The following CYP7B1 variants were observed in gnomAD, a reference collection of about 807,000 sequenced individuals.
The protein encoded by CYP7B1 is cytochrome P450 family 7 subfamily B member 1.
A neutral mutation model predicts 42.7 loss-of-function variants in CYP7B1; 29 were observed. The observed-to-expected ratio is 0.68, with a 90% CI of 0.51 to 0.93. CYP7B1 has a LOEUF of 0.93. CYP7B1 is among the 40% of genes least tolerant of loss of function. The pLI is 0.00. For missense variants in CYP7B1, 655 were observed against 600.5 expected, an observed-to-expected ratio of 1.09 and a Z score of -0.95; for synonymous variants, 235 against 218.2, an observed-to-expected ratio of 1.08 and a Z score of -0.68.
At chr8:64,623,432 G>C (rs1461860294) in intron 2 of CYP7B1, among the ~76,000 whole-genome samples, 1 of 152,170 alleles carries the variant, frequency 6.6e-6, no homozygotes, top group Non-Finnish European at 1.5e-5. Context: ...GACCATCTCG[G>C]ATCATCCAGT....
chr8:64,646,417 G>A (rs1484194134), intron 1 of CYP7B1, among the ~76,000 whole-genome samples: 1 of 152,162 alleles, frequency 6.6e-6, no homozygotes. Context: ...CTCAAAAGAA[G>A]ACATTTATGC....
Position 64,738,879 on chromosome 8 carries a change from G to T in CYP7B1, c.122+59587C>A, listed in dbSNP as rs112902428. 6.6e-5 allele frequency among the ~76,000 whole-genome samples: 10 copies of T among 152,170 alleles called. 1 individual carries two copies. The highest frequency in any genetic ancestry group is 2.4e-4 in the African/African-American group (10 of 41,546). ...TAAATGGTAATTTTGACAAATTCCT[G>T]GGGGGTGAGTGTGGACTAGTATTAA... On this transcript the variant is annotated intron_variant, in intron 1 of 5. Coordinates refer to ENST00000310193, the MANE Select transcript of CYP7B1 (RefSeq NM_004820.5).
chr8:64,645,245 G>C (rs1805932594), intron 1 of CYP7B1, among the ~76,000 whole-genome samples: 1 of 151,566 alleles, frequency 6.6e-6, no homozygotes, highest in Non-Finnish European at 1.5e-5. Flanking sequence ...CTTTATAGCA[G>C]CATGATTTAT....
intron 1 of CYP7B1, among the ~76,000 whole-genome samples, chr8:64,748,927 A>C (rs1020492574): frequency 6.6e-5 from 10 of 152,230 alleles, no homozygotes; most frequent in African/African-American, 2.2e-4. Flanking sequence ...AGAGAAAGAT[A>C]ACTATGCAGA....
intron 1 of CYP7B1, among the ~76,000 whole-genome samples, chr8:64,719,485 T>C (rs1230920015): frequency 6.6e-6 from 1 of 152,196 alleles, no homozygotes; most frequent in East Asian, 1.9e-4. Context: ...CTTGTCAAAG[T>C]GACTTAGTTT....
chr8:64,624,702 T>G (rs1805582107), intron 1 of CYP7B1, among the ~76,000 whole-genome samples, 163 bp from the exon 2 acceptor site: 1 of 152,164 alleles, frequency 6.6e-6, no homozygotes. Flanking sequence ...AGACATGAGT[T>G]TACTGAGCTT....
At chr8:64,653,258 C>T (rs1806067757) in intron 1 of CYP7B1, among the ~76,000 whole-genome samples, 1 of 151,874 alleles carries the variant, frequency 6.6e-6, no homozygotes, top group East Asian at 1.9e-4. Context: ...GCTACCTAGA[C>T]TAATAAAGAA....
rs76992721 is a variant in CYP7B1 at position 64,765,781 on chromosome 8, A to G, written c.122+32685T>C. Among the ~76,000 whole-genome samples the G allele has an allele frequency of 3.1e-3, 469 of 152,214 alleles. 12 individuals carry two copies. In the East Asian group the frequency reaches 0.073, roughly 24 times the overall value. ...TTTCCAGATGGGAAATGTTCCCCCCAAGGCAAAAACGCCCCTAAGATGTAT... is the reference window on the plus strand; with the variant it reads ...TTTCCAGATGGGAAATGTTCCCCCCGAGGCAAAAACGCCCCTAAGATGTAT... On this transcript the variant is annotated intron_variant, in intron 1 of 5. Transcript: ENST00000310193.
chr8:64,619,002 G>A (rs1419828811), intron 2 of CYP7B1, among the ~76,000 whole-genome samples: 1 of 151,990 alleles, frequency 6.6e-6, no homozygotes, highest in East Asian at 1.9e-4. Context: ...TTGATTTTCC[G>A]GATTTTACTT....
chr8:64,767,917 C>A (rs779453608), intron 1 of CYP7B1, among the ~76,000 whole-genome samples: 2 of 152,130 alleles, frequency 1.3e-5, no homozygotes, highest in African/African-American at 4.8e-5. Context: ...GCATCCCTCC[C>A]GAGGAAATCT....
intron 1 of CYP7B1, among the ~76,000 whole-genome samples, chr8:64,673,084 T>C (rs941646452): frequency 6.6e-6 from 1 of 152,112 alleles, no homozygotes; most frequent in African/African-American, 2.4e-5. Flanking sequence ...GCTACATACC[T>C]TGTCTCCCCC....
At position 64,616,016 on chromosome 8, in the gene CYP7B1, C is replaced by G. The variant is rs794727501; in HGVS notation, c.525G>C (p.Trp175Cys). The G allele has an allele frequency of 6.2e-7, 1 of 1,613,484 alleles. No individual in the cohort carries two copies. The highest frequency in any genetic ancestry group is 1.3e-5 in the African/African-American group (1 of 74,810). Residue 175 changes from tryptophan to cysteine, a missense_variant, in exon 3 of 6, where the codon TGG becomes TGC. Trp to Cys is a radical substitution (Grantham distance 215, BLOSUM62 -2). Coordinates refer to ENST00000310193, the MANE Select transcript of CYP7B1 (RefSeq NM_004820.5). ...FEPQLLKTTS[W>C]DTAELYPFCS... ...AGAATGGATACAGTTCTGCCGTGTCCCAACTTGTGGTTTTTAACAGCTGGG... is the reference window on the plus strand; with the variant it reads ...AGAATGGATACAGTTCTGCCGTGTCGCAACTTGTGGTTTTTAACAGCTGGG...
chr8:64,592,810 G>T lies in CYP7B1; in HGVS notation c.*3832C>A, dbSNP rs6994261. ...AATGAGGACGTTGAAGCTCTGAGAC[G>T]GAAATTGTTTAATAATAAGCCAGTT... is the stretch of plus-strand genomic sequence containing the variant. On this transcript the variant is annotated 3_prime_UTR_variant, in exon 6 of 6. Coordinates refer to ENST00000310193, the MANE Select transcript of CYP7B1 (RefSeq NM_004820.5). 0.027 allele frequency among the ~76,000 whole-genome samples: 4,116 copies of T among 152,274 alleles called. 165 individuals are homozygous for T. Among genetic ancestry groups the T allele is most frequent in the African/African-American group, 0.089 (3,677 of 41,538 alleles).
chr8:64,743,630 C>G (rs920330033), intron 1 of CYP7B1, among the ~76,000 whole-genome samples: 1 of 152,092 alleles, frequency 6.6e-6, no homozygotes, highest in African/African-American at 2.4e-5. Flanking sequence ...ATCCCTTGTG[C>G]TTCTGTGTGT....
At chr8:64,650,674 T>C (rs1224583751) in intron 1 of CYP7B1, among the ~76,000 whole-genome samples, 2 of 152,184 alleles carry the variant, frequency 1.3e-5, no homozygotes, top group East Asian at 3.8e-4. Flanking sequence ...AAATATTTAA[T>C]TGTTTATGCC....
At chr8:64,723,361 G>T (rs922129977) in intron 1 of CYP7B1, among the ~76,000 whole-genome samples, 1 of 152,148 alleles carries the variant, frequency 6.6e-6, no homozygotes, top group African/African-American at 2.4e-5. Context: ...ATCAATAAAT[G>T]CCAAAATAGA....
At chr8:64,794,295 G>A (rs1804670075) in intron 1 of CYP7B1, among the ~76,000 whole-genome samples, 1 of 152,192 alleles carries the variant, frequency 6.6e-6, no homozygotes, top group South Asian at 2.1e-4. Context: ...AAAAAGCCCA[G>A]CGGAAGGGAT....
intron 1 of CYP7B1, among the ~76,000 whole-genome samples, chr8:64,784,842 A>G (rs2129696499): frequency 6.6e-6 from 1 of 152,348 alleles, no homozygotes; most frequent in South Asian, 2.1e-4. Context: ...GACTCCTTAT[A>G]TACAACATCA....
chr8:64,724,409 A>G (rs1196020022), intron 1 of CYP7B1, among the ~76,000 whole-genome samples: 1 of 152,108 alleles, frequency 6.6e-6, no homozygotes, highest in East Asian at 1.9e-4. Flanking sequence ...AGCCTCCCAA[A>G]GTGCTGGGAT....
Sources: gnomAD v4.1 joint callset for allele counts (sites outside exome capture counted in the v4.1 genomes callset) on GRCh38, gnomAD v4.1.1 for gene constraint, MANE v1.5 for transcripts, NCBI Gene and HGNC (gene_info 2026-07-23, HGNC 2026-07-21) for gene names.